DIP2A: variants seen among roughly 807,000 people sequenced by gnomAD.
DIP2A encodes the protein disco-interacting protein 2 homolog A.
DIP2A carries 85 observed loss-of-function variants against 177.4 expected under a neutral mutation model. The observed-to-expected ratio is 0.48, with a 90% CI of 0.40 to 0.57. The LOEUF (loss-of-function observed/expected upper bound fraction) is 0.57, where lower values mean the gene tolerates loss of function less well. DIP2A is among the 20% of genes least tolerant of loss of function. DIP2A has a pLI of 0.00. For synonymous variants in DIP2A, 886 were observed against 881.8 expected (o/e 1.00, Z -0.08); for missense variants, 1,791 against 2,100.2 (o/e 0.85, Z 2.88).
intron 6 of DIP2A, among the ~76,000 whole-genome samples, chr21:46,505,833 C>T (rs955472043): frequency 2.6e-5 from 4 of 152,256 alleles, no homozygotes; most frequent in South Asian, 2.1e-4. Flanking sequence ...ACAGCGTTTA[C>T]GTTTATGGTC....
At chr21:46,575,867 A>G in the DIP2A span, among the ~76,000 whole-genome samples, 1 of 152,200 alleles carries the variant, frequency 6.6e-6, no homozygotes, top group Non-Finnish European at 1.5e-5. Context: ...TCCAAATTCT[A>G]ATTATGGTTT....
At chr21:46,496,870 CAG>C in intron 3 of DIP2A, 116 bp from the exon 4 acceptor site, 2 of 993,084 alleles carry the variant, frequency 2.0e-6, no homozygotes, top group Non-Finnish European at 2.8e-6. Flanking sequence ...TGAGGATAGA[CAG>C]AGAGAGCTTC....
rs2060275049 is a variant in DIP2A, at chr21:46,551,646, C to A, written c.2852C>A (p.Ala951Asp). 1 of 1,613,944 alleles carries A rather than the reference C, an allele frequency of 6.2e-7. No homozygotes were observed. The highest frequency in any genetic ancestry group is 8.5e-7 in the Non-Finnish European group (1 of 1,179,876). The change falls in exon 24 of 38, where the codon GCC becomes GAC. Residue 951 changes from alanine to aspartate, a missense_variant. Transcript: ENST00000417564. ...PRQKQPEVGP[A>D]SMIVGNLVAG... ...CCCCCGTTTCTAGAGGTTGGACCAG[C>A]CTCAATGATCGTGGGGAACCTGGTT...
At chr21:46,565,593 T>C in intron 35 of DIP2A, 120 bp from the exon 36 acceptor site, 4 of 1,025,798 alleles carry the variant, frequency 3.9e-6, no homozygotes, top group South Asian at 3.4e-5. Context: ...ATGAATATTA[T>C]CCGCCCCGAC....
At chr21:46,572,074 C>T (rs2060973132), downstream of DIP2A, among the ~76,000 whole-genome samples, 1 of 151,960 alleles carries the variant, frequency 6.6e-6, no homozygotes. Context: ...AGATATGGTC[C>T]ACCAATACCT....
In DIP2A at chr21:46,550,569, C is replaced by T. The variant is rs777966161; in HGVS notation, c.2664C>T (p.Gly888=). The T allele has an allele frequency of 2.7e-5, 44 of 1,613,444 alleles. No individual in the cohort carries two copies. Among genetic ancestry groups the T allele is most frequent in the Middle Eastern group, 3.3e-4 (2 of 6,058 alleles). ...LQAIDSIHQV[G]VYCLALVPAN... The stretch of plus-strand genomic sequence containing the variant: ...CCATTGATAGCATCCACCAGGTGGG[C>T]GTGTACTGTCTGGCCCTGGTTCCTG... Residue 888 remains glycine, a synonymous_variant, in exon 23 of 38, where the codon GGC becomes GGT. Coordinates refer to ENST00000417564, the MANE Select transcript of DIP2A (RefSeq NM_015151.4).
intron 1 of DIP2A, among the ~76,000 whole-genome samples, chr21:46,461,806 T>C (rs1170921335): frequency 6.6e-6 from 1 of 151,976 alleles, no homozygotes; most frequent in African/African-American, 2.4e-5. Flanking sequence ...AGGCCTGTTA[T>C]GTTTGCATTT....
At chr21:46,534,164 A>G (rs1353942015) in intron 12 of DIP2A, 51 bp downstream of exon 12, 2 of 1,439,356 alleles carry the variant, frequency 1.4e-6, no homozygotes, top group Non-Finnish European at 1.9e-6. Context: ...CCACAGGCTT[A>G]AGTCTTGCTT....
chr21:46,572,368 A>C (rs2148935182), downstream of DIP2A, among the ~76,000 whole-genome samples: 1 of 150,926 alleles, frequency 6.6e-6, no homozygotes, highest in South Asian at 2.1e-4. Flanking sequence ...GTAATGTCCT[A>C]GGCCTTCACA....
intron 8 of DIP2A, among the ~76,000 whole-genome samples, chr21:46,527,241 C>G (rs2059132342): frequency 6.7e-6 from 1 of 149,776 alleles, no homozygotes; most frequent in Admixed American, 6.6e-5. Flanking sequence ...TAGCTGGATT[C>G]AGTTTGAAAT....
At chr21:46,559,995 G>A (rs1303208151) in intron 32 of DIP2A, among the ~76,000 whole-genome samples, 6 of 152,156 alleles carry the variant, frequency 3.9e-5, no homozygotes. Flanking sequence ...GATATTACTT[G>A]ACATATTACA....
intron 21 of DIP2A, 67 bp downstream of exon 21, chr21:46,547,109 C>T: frequency 2.5e-6 from 4 of 1,574,522 alleles, no homozygotes; most frequent in Non-Finnish European, 3.5e-6. Context: ...AGTCTTTGTG[C>T]AGTAGATGGA....
At chr21:46,573,188 C>T (rs1311502695), downstream of DIP2A, among the ~76,000 whole-genome samples, 1 of 151,432 alleles carries the variant, frequency 6.6e-6, no homozygotes, top group Non-Finnish European at 1.5e-5. Context: ...AGATATAAGG[C>T]ATATAGAATA....
At chr21:46,460,332 C>G (rs1428484662) in intron 1 of DIP2A, among the ~76,000 whole-genome samples, 1 of 152,146 alleles carries the variant, frequency 6.6e-6, no homozygotes, top group South Asian at 2.1e-4. Context: ...TTTTGGCTGT[C>G]TTTGGGAAAG....
intron 6 of DIP2A, among the ~76,000 whole-genome samples, chr21:46,505,222 C>T (rs963900752): frequency 6.6e-6 from 1 of 152,096 alleles, no homozygotes; most frequent in African/African-American, 2.4e-5. Flanking sequence ...ATTGGCTAGA[C>T]ATGTATTTAA....
At chr21:46,553,906 G>A (rs62225686) in intron 25 of DIP2A, 14,235 of 313,670 alleles carry the variant, frequency 0.045, 445 homozygotes, top group Non-Finnish European at 0.069. Flanking sequence ...GCTTATGCCT[G>A]TAATCCCAGC....
At chr21:46,579,936 G>C in the DIP2A span, among the ~76,000 whole-genome samples, 8 of 152,200 alleles carry the variant, frequency 5.3e-5, no homozygotes, top group African/African-American at 1.9e-4. Context: ...TTGCTTTTGA[G>C]TGGAAAGTTC....
At chr21:46,573,836 A>T, downstream of DIP2A, among the ~76,000 whole-genome samples, 1 of 152,088 alleles carries the variant, frequency 6.6e-6, no homozygotes. Context: ...ACAATGACAG[A>T]TCATCAAAAT....
chr21:46,476,501 A>G (rs2055858648), intron 1 of DIP2A, among the ~76,000 whole-genome samples: 1 of 150,054 alleles, frequency 6.7e-6, no homozygotes, highest in Non-Finnish European at 1.5e-5. Flanking sequence ...AGCATGGGGA[A>G]GAGCTCAGGA....
Sources: allele counts gnomAD v4.1 joint callset (sites outside exome capture counted in the v4.1 genomes callset), GRCh38; gene constraint gnomAD v4.1.1; transcripts MANE v1.5; gene names NCBI Gene and HGNC (gene_info 2026-07-23, HGNC 2026-07-21).